The following GALNT17 variants were observed in gnomAD, a reference collection of about 807,000 sequenced individuals.
GALNT17 encodes polypeptide N-acetylgalactosaminyltransferase 17.
A neutral mutation model predicts 63.7 loss-of-function variants in GALNT17; 29 were observed. The observed-to-expected ratio is 0.46, with a 90% CI of 0.34 to 0.62. GALNT17 has a LOEUF of 0.62. Ranked by LOEUF, GALNT17 falls within the 20% of genes least tolerant of loss-of-function variation. GALNT17 has a pLI of 0.01. For synonymous variants in GALNT17, 305 were observed against 318.3 expected (o/e 0.96, Z 0.45); for missense variants, 603 against 799.6 (o/e 0.75, Z 2.97).
At chr7:71,264,844 A>G (rs1484037739) in intron 1 of GALNT17, among the ~76,000 whole-genome samples, 7 of 151,898 alleles carry the variant, frequency 4.6e-5, no homozygotes, top group Middle Eastern at 3.2e-3. Context: ...TGGCAGGGGT[A>G]GGGTTCGTAG....
chr7:71,641,036 A>G (rs977094783), intron 6 of GALNT17, among the ~76,000 whole-genome samples: 2 of 152,142 alleles, frequency 1.3e-5, no homozygotes, highest in Non-Finnish European at 2.9e-5. Context: ...ACCTCAAGGA[A>G]TGGGATATAG....
chr7:71,468,001 G>A (rs549763078), intron 5 of GALNT17, among the ~76,000 whole-genome samples: 9 of 152,186 alleles, frequency 5.9e-5, no homozygotes, highest in Admixed American at 3.9e-4. Context: ...ACTATGGTAT[G>A]GTCTAGGGCA....
intron 5 of GALNT17, among the ~76,000 whole-genome samples, chr7:71,426,450 G>A (rs529273515): frequency 6.6e-6 from 1 of 152,134 alleles, no homozygotes; most frequent in Non-Finnish European, 1.5e-5. Context: ...TCTGTTAGGC[G>A]GTTCTTGAAT....
At chr7:71,201,256 T>A (rs943451767) in intron 1 of GALNT17, among the ~76,000 whole-genome samples, 2 of 149,570 alleles carry the variant, frequency 1.3e-5, no homozygotes, top group Admixed American at 6.6e-5. Context: ...TATATATATA[T>A]AATTTGTGTG....
chr7:71,304,133 A>G (rs191048875), intron 1 of GALNT17, among the ~76,000 whole-genome samples: 1 of 152,320 alleles, frequency 6.6e-6, no homozygotes, highest in African/African-American at 2.4e-5. Flanking sequence ...AGTTTCTGCA[A>G]TTAGGGGAAC....
chr7:71,145,779 C>T (rs1366009449), intron 1 of GALNT17, among the ~76,000 whole-genome samples: 1 of 152,182 alleles, frequency 6.6e-6, no homozygotes, highest in Non-Finnish European at 1.5e-5. Context: ...AATCTCGGCT[C>T]ACTATAACCT....
intron 9 of GALNT17, among the ~76,000 whole-genome samples, chr7:71,706,450 G>C (rs1420567392): frequency 6.6e-6 from 1 of 152,198 alleles, no homozygotes; most frequent in Non-Finnish European, 1.5e-5. Flanking sequence ...AATGTTCTTA[G>C]TGCTGCTCAT....
chr7:71,635,466 A>G (rs531462740), intron 6 of GALNT17, among the ~76,000 whole-genome samples: 172 of 152,326 alleles, frequency 1.1e-3, no homozygotes, highest in African/African-American at 4.1e-3. Context: ...GAGGAAGTAC[A>G]TTCGGATGGT....
At chr7:71,415,819 A>C in intron 3 of GALNT17, 70 bp from the exon 4 acceptor site, 1 of 1,452,826 alleles carries the variant, frequency 6.9e-7, no homozygotes, top group Non-Finnish European at 9.1e-7. Context: ...ATCTGTGGGC[A>C]TTGCAGTGGG....
chr7:71,198,833 A>G (rs1294743859), intron 1 of GALNT17, among the ~76,000 whole-genome samples: 1 of 152,180 alleles, frequency 6.6e-6, no homozygotes, highest in Non-Finnish European at 1.5e-5. Context: ...TCTGGTCAAA[A>G]CTAAGCACAT....
chr7:71,682,738 A>G (rs1195968501), intron 9 of GALNT17, among the ~76,000 whole-genome samples: 1 of 152,018 alleles, frequency 6.6e-6, no homozygotes. Context: ...TTTTGTAGAA[A>G]TAGGGGTCTC....
chr7:71,596,933 A>C (rs1584078832), intron 6 of GALNT17, among the ~76,000 whole-genome samples: 2 of 152,012 alleles, frequency 1.3e-5, no homozygotes, highest in East Asian at 3.9e-4. Flanking sequence ...CACACCTCTA[A>C]TTCCAGTGCT....
intron 5 of GALNT17, among the ~76,000 whole-genome samples, chr7:71,457,182 C>T (rs1223801936): frequency 1.3e-5 from 2 of 152,200 alleles, no homozygotes; most frequent in African/African-American, 4.8e-5. Context: ...GGGTGAAATT[C>T]AACAGAACCC....
At chr7:71,222,587 C>T (rs1278152055) in intron 1 of GALNT17, among the ~76,000 whole-genome samples, 1 of 152,152 alleles carries the variant, frequency 6.6e-6, no homozygotes, top group Non-Finnish European at 1.5e-5. Flanking sequence ...CCATCGTGCC[C>T]AGCACCTGAC....
At chr7:71,427,607 G>A (rs1786783482) in intron 5 of GALNT17, among the ~76,000 whole-genome samples, 1 of 151,934 alleles carries the variant, frequency 6.6e-6, no homozygotes, top group African/African-American at 2.4e-5. Context: ...TACTCTTATT[G>A]CTGGAGTCTC....
intron 5 of GALNT17, among the ~76,000 whole-genome samples, chr7:71,444,246 T>G (rs1306524566): frequency 6.6e-6 from 1 of 152,152 alleles, no homozygotes; most frequent in Non-Finnish European, 1.5e-5. Flanking sequence ...CTTGGCCACA[T>G]TCCCCTACCC....
At chr7:71,180,694 AC>A (rs1406225097) in intron 1 of GALNT17, among the ~76,000 whole-genome samples, 1 of 152,160 alleles carries the variant, frequency 6.6e-6, no homozygotes, top group Non-Finnish European at 1.5e-5. Flanking sequence ...GCTGTCATCC[AC>A]AGCTTTAGGA....
intron 1 of GALNT17, among the ~76,000 whole-genome samples, chr7:71,229,085 A>C (rs79747094): frequency 0.028 from 4,311 of 152,320 alleles, 209 homozygotes; most frequent in African/African-American, 0.097. Flanking sequence ...ACAGAGCAGT[A>C]TGCGGAAAGA....
At chr7:71,184,169 AGACT>A (rs1481864735) in intron 1 of GALNT17, among the ~76,000 whole-genome samples, 7 of 152,308 alleles carry the variant, frequency 4.6e-5, no homozygotes, top group Non-Finnish European at 8.8e-5. Context: ...AAACCAAGAG[AGACT>A]GACCTCAAAA....
Sources: allele counts gnomAD v4.1 joint callset (sites outside exome capture counted in the v4.1 genomes callset), GRCh38; gene constraint gnomAD v4.1.1; transcripts MANE v1.5; gene names NCBI Gene and HGNC (gene_info 2026-07-23, HGNC 2026-07-21).